The following EML3 variants were observed in gnomAD, a reference collection of about 807,000 sequenced individuals.
EML3 encodes the protein EMAP like 3, also known as echinoderm microtubule-associated protein-like 3.
In EML3, 53 loss-of-function variants were observed where a neutral mutation model predicts 106.7. The ratio of observed to expected loss-of-function variants is 0.50; its 90% CI spans 0.40 to 0.62. The LOEUF is 0.62. Ranked by LOEUF, EML3 falls within the 20% of genes least tolerant of loss-of-function variation. EML3 has a pLI of 0.00. For missense variants in EML3, 994 were observed against 1,209.1 expected (o/e 0.82, Z 2.64); for synonymous variants, 499 against 489.6 (o/e 1.02, Z -0.25).
intron 8 of EML3, 33 bp downstream of exon 8, chr11:62,608,703 G>C: frequency 6.2e-7 from 1 of 1,613,960 alleles, no homozygotes; most frequent in South Asian, 1.1e-5. Flanking sequence ...TGCAATTCCA[G>C]CATGTCTGCC....
At chr11:62,608,381 C>G in intron 9 of EML3, 85 bp from the exon 10 acceptor site, 1 of 1,419,818 alleles carries the variant, frequency 7.0e-7, no homozygotes, top group Non-Finnish European at 9.9e-7. Flanking sequence ...GGTACCATCA[C>G]AGATGGAGAG....
In EML3 at chr11:62,605,073, CTCCCTGCTT is replaced by C. The variant is rs769354430; in HGVS notation, c.1982+31_1982+39del. On this transcript the variant is annotated intron_variant, in intron 16 of 21. Coordinates refer to ENST00000394773, the MANE Select transcript of EML3 (RefSeq NM_153265.3). This position sits in a 1 kb window ranked among gnomAD's most constrained non-coding sequence, Gnocchi z 5.2. ...CCAGTACCAGGAACCCTTCCCAGTC[CTCCCTGCTT>C]TCCCTCCTGGGAGTCCTGGCTCTCT... 1.9e-6 allele frequency: 3 copies of C among 1,591,694 alleles called. No individual in the cohort carries two copies. In the African/African-American group the frequency reaches 4.0e-5, roughly 21 times the overall value.
Position 62,603,984 on chromosome 11 carries a change from G to A in EML3, c.2129C>T (p.Ser710Phe). Reference sequence around the variant, plus strand: ...GCGGCTGGATTTGGCACCATCACTGGAAACACTATAGATGTAGATCACGTT... The same window carrying A: ...GCGGCTGGATTTGGCACCATCACTGAAAACACTATAGATGTAGATCACGTT... ...HDNVIYIYSV[S>F]SDGAKSSRFG... is the part of the protein sequence containing the mutation. Residue 710 changes from serine (S) to phenylalanine (F), a missense_variant, in exon 18 of 22, where the codon TCC becomes TTC. Physicochemically the swap from Ser to Phe is radical, Grantham distance 155. Around this residue, in one of 3 missense-constraint regions of EML3, gnomAD observed 713 missense variants for 920.5 expected, o/e 0.77. Transcript: ENST00000394773. 6.2e-7 allele frequency: 1 copy of A among 1,614,132 alleles called. No homozygotes were observed. The highest frequency in any genetic ancestry group is 8.5e-7 in the Non-Finnish European group (1 of 1,180,040).
In EML3 at chr11:62,605,614, TG is replaced by T; in HGVS notation, c.1914+27del. On this transcript the variant is annotated intron_variant, in intron 15 of 21. Transcript: ENST00000394773. The surrounding 1 kb of genome is among the most constrained non-coding windows in gnomAD (Gnocchi z 5.2). Reference sequence around the variant, plus strand: ...CACAGGTGTCCTGGTGGGTGTGGCATGGGGGATCCAGGGGCACAGGGCTCTA... The same window carrying T: ...CACAGGTGTCCTGGTGGGTGTGGCATGGGGATCCAGGGGCACAGGGCTCTA... The T allele has an allele frequency of 6.6e-7, 1 of 1,515,780 alleles. No homozygotes were observed. Among genetic ancestry groups the T allele is most frequent in the South Asian group, 1.3e-5 (1 of 75,496 alleles). The allele number at this position is 1,515,780 out of a possible 1,614,324, so 93.9% of individuals were successfully genotyped here.
rs907540465 is a variant in EML3, at chr11:62,606,394, A to G, written c.1505-180T>C. The G allele has an allele frequency of 2.3e-4, 170 of 754,722 alleles. No homozygotes were observed. In the East Asian group the frequency reaches 4.6e-3, roughly 20 times the overall value. The allele number at this position is 754,722 out of a possible 1,614,324, so 46.8% of individuals were successfully genotyped here. ...CCCCATTTTACAAACAGGACAACTG[A>G]GACTCACAGAAATGAGGTAACTTCC... On this transcript the variant is annotated intron_variant, in intron 12 of 21. Transcript: ENST00000394773.
rs1168553171 is a variant in EML3, at chr11:62,611,454, G to A, written c.165C>T (p.Gly55=). 3.1e-6 allele frequency: 5 copies of A among 1,613,864 alleles called. No homozygotes were observed. The highest frequency in any genetic ancestry group is 4.2e-6 in the Non-Finnish European group (5 of 1,179,922). ...CCCCCGGAGGAGCTGGTGTGCCAGA[G>A]CCCTGCAGGGAGGAAGGGGGCACCT... is the stretch of plus-strand genomic sequence containing the variant. ...RLQVPPSSLQ[G]SGTPAPPGDS... The change falls in exon 2 of 22, where the codon GGC becomes GGT. Residue 55 remains glycine, a synonymous_variant. Transcript: ENST00000394773.
intron 11 of EML3, 129 bp from the exon 12 acceptor site, chr11:62,607,228 A>G: frequency 8.7e-7 from 1 of 1,155,636 alleles, no homozygotes; most frequent in Non-Finnish European, 1.2e-6. Context: ...CGGGCGGGTC[A>G]CCTGAGGCCA....
chr11:62,602,528 C>T lies in EML3; in HGVS notation c.2638G>A (p.Ala880Thr), dbSNP rs1391006724. The change falls in exon 22 of 22, where the codon GCC becomes ACC. Residue 880 changes from alanine (A) to threonine (T), a missense_variant. Physicochemically the swap from Ala to Thr is moderately conservative, Grantham distance 58. Around this residue, in one of 3 missense-constraint regions of EML3, gnomAD observed 713 missense variants for 920.5 expected, o/e 0.77. Transcript: ENST00000394773. ...AGGGAGGGGGTTCGAGAGGGCGTGGCGGGCGCCGGCCCCGCGCCCCCAGCG... is the reference window on the plus strand; with the variant it reads ...AGGGAGGGGGTTCGAGAGGGCGTGGTGGGCGCCGGCCCCGCGCCCCCAGCG... ...LGAGGAGPAP[A>T]TPSRTPSLSP... 1 of 1,492,754 alleles carries T rather than the reference C, an allele frequency of 6.7e-7. No individual in the cohort carries two copies. Among genetic ancestry groups the T allele is most frequent in the East Asian group, 2.5e-5 (1 of 40,054 alleles). The allele number at this position is 1,492,754 out of a possible 1,614,324, so 92.5% of individuals were successfully genotyped here.
rs201685336 is a variant in EML3, at chr11:62,608,950, C to T, written c.929+12G>A. 2.5e-5 allele frequency: 40 copies of T among 1,612,844 alleles called. No individual in the cohort carries two copies. The Admixed American group carries it at 4.3e-4, about 17-fold the overall frequency. ...CTCTTCCTGCCAAGCCCACCAGCCC[C>T]GGACTCCTCACCATCGAACGCAGTC... On this transcript the variant is annotated intron_variant, in intron 7 of 21. Transcript: ENST00000394773.
Position 62,610,897 on chromosome 11 carries a change from C to A in EML3, c.548G>T (p.Arg183Leu). ...CACCCACCTCTCTGTGCTCCCGGAC[C>A]GCACTAACAGGTTGGCGGAGGAGAT... ...KAISSANLLV[R>L]SGSTESRGGK... is the part of the protein sequence containing the mutation. The change falls in exon 4 of 22, where the codon CGG becomes CTG. Residue 183 changes from arginine to leucine, a missense_variant. Physicochemically the swap from Arg to Leu is moderately radical, Grantham distance 102. This residue lies in a region of EML3 where 269 missense variants were observed against 265.1 expected (regional missense o/e 1.01). Coordinates refer to ENST00000394773, the MANE Select transcript of EML3 (RefSeq NM_153265.3). 1 of 1,611,974 alleles carries A rather than the reference C, an allele frequency of 6.2e-7. No homozygotes were observed. Among genetic ancestry groups the A allele is most frequent in the East Asian group, 2.2e-5 (1 of 44,874 alleles).
rs1410845725 is a variant in EML3 at position 62,606,987 on chromosome 11, G to A, written c.1475C>T (p.Ser492Phe). 2 of 1,613,974 alleles carry A rather than the reference G, an allele frequency of 1.2e-6. No homozygotes were observed. The highest frequency in any genetic ancestry group is 1.7e-5 in the Admixed American group (1 of 60,002). ...ILTWGRSPSD[S>F]KTPGRGGAKE... ...GGCGCCACCCCTGCCTGGGGTCTTG[G>A]AATCTGAAGGGCTCCGCCCCCAGGT... Residue 492 changes from serine to phenylalanine, a missense_variant, in exon 12 of 22, where the codon TCC (serine) becomes TTC (phenylalanine). Around this residue, in one of 3 missense-constraint regions of EML3, gnomAD observed 713 missense variants for 920.5 expected, o/e 0.77. Transcript: ENST00000394773.
At chr11:62,607,479 G>A (rs574576158) in intron 11 of EML3, 187 bp downstream of exon 11, 3 of 607,058 alleles carry the variant, frequency 4.9e-6, no homozygotes, top group African/African-American at 1.9e-5. Flanking sequence ...AGACGTTGCA[G>A]TGAGCCGAGA....
Position 62,608,913 on chromosome 11 carries a change from T to A in EML3, c.929+49A>T, listed in dbSNP as rs945246674. ...GCAACTCTTTTCTCCTGCTTCTCCA[T>A]CCCCCCAGACCCTCTTCCTGCCAAG... On this transcript the variant is annotated intron_variant, in intron 7 of 21. Transcript: ENST00000394773. The A allele has an allele frequency of 1.9e-6, 3 of 1,598,594 alleles. No homozygotes were observed. The South Asian group carries it at 3.3e-5, about 18-fold the overall frequency.
Position 62,606,158 on chromosome 11 carries a change from A to C in EML3, c.1561T>G (p.Cys521Gly). The change falls in exon 13 of 22, where the codon TGT (cysteine) becomes GGT (glycine). Residue 521 changes from cysteine (C) to glycine (G), a missense_variant. Cys to Gly is a radical substitution (Grantham distance 159). This residue lies in a region of EML3 where 713 missense variants were observed against 920.5 expected (regional missense o/e 0.77). Coordinates refer to ENST00000394773, the MANE Select transcript of EML3 (RefSeq NM_153265.3). ...AGCACTGTCCCGTCCCTCCGGAGAC[A>C]CAAGGCGAAGATAGAACCTTCATGA... Reference protein sequence around the residue: ...HAHEGSIFALCLRRDGTVLSG... With the variant: ...HAHEGSIFALGLRRDGTVLSG... 1 of 1,614,086 alleles carries C rather than the reference A, an allele frequency of 6.2e-7. No homozygotes were observed. The highest frequency in any genetic ancestry group is 2.2e-5 in the East Asian group (1 of 44,886).
chr11:62,608,037 C>A (rs943848868), intron 10 of EML3, 164 bp downstream of exon 10: 13 of 829,200 alleles, frequency 1.6e-5, no homozygotes, highest in Admixed American at 2.2e-5. Context: ...GAGGTCAGAA[C>A]CCATGTCACA....
chr11:62,603,922 C>T lies in EML3; in HGVS notation c.2169+22G>A, dbSNP rs760041633. 3.1e-6 allele frequency: 5 copies of T among 1,613,682 alleles called. No homozygotes were observed. In the East Asian group the frequency reaches 1.1e-4, roughly 36 times the overall value. ...GTTTCGCAGCTGTTATCATGCCCCA[C>T]CACACACCCCAACTTCCTCACCATA... On this transcript the variant is annotated intron_variant, in intron 18 of 21. Coordinates refer to ENST00000394773, the MANE Select transcript of EML3 (RefSeq NM_153265.3).
intron 11 of EML3, 103 bp downstream of exon 11, chr11:62,607,563 G>C (rs1942599131): frequency 7.4e-7 from 1 of 1,347,246 alleles, no homozygotes; most frequent in South Asian, 1.6e-5. Flanking sequence ...AAAGGTCACA[G>C]GGGCAGGTGG....
chr11:62,611,721 T>G, intron 1 of EML3, 125 bp from the exon 2 acceptor site: 1 of 1,123,616 alleles, frequency 8.9e-7, no homozygotes, highest in Non-Finnish European at 1.2e-6. Flanking sequence ...GCCCCAGGCT[T>G]GAATGCTCGT....
chr11:62,608,312 A>C lies in EML3; in HGVS notation c.1111-16T>G. On this transcript the variant is annotated splice_polypyrimidine_tract_variant and intron_variant, in intron 9 of 21. Transcript: ENST00000394773. Reference sequence around the variant, plus strand: ...CACCCTGATCCTGAAGAAGGGTGACACATAGGAGGTGCAGAGTGAACCCTG... The same window carrying C: ...CACCCTGATCCTGAAGAAGGGTGACCCATAGGAGGTGCAGAGTGAACCCTG... 6.2e-7 allele frequency: 1 copy of C among 1,610,648 alleles called. No individual in the cohort carries two copies. The highest frequency in any genetic ancestry group is 1.1e-5 in the South Asian group (1 of 91,026).
Sources: allele counts gnomAD v4.1 joint callset, GRCh38; gene constraint gnomAD v4.1.1; regional missense constraint gnomAD v4.1.1; non-coding constraint Gnocchi (gnomAD v3.1); transcripts MANE v1.5; gene names NCBI Gene and HGNC (gene_info 2026-07-23, HGNC 2026-07-21).